The following FNBP1L variants were observed in gnomAD, a reference collection of about 807,000 sequenced individuals.
FNBP1L encodes formin-binding protein 1-like.
A neutral mutation model predicts 91.2 loss-of-function variants in FNBP1L; 36 were observed. The ratio of observed to expected loss-of-function variants is 0.39; its 90% CI spans 0.30 to 0.52. The LOEUF (loss-of-function observed/expected upper bound fraction) is 0.52, where lower values mean the gene tolerates loss of function less well. Among genes scored for constraint, FNBP1L ranks in the 20% least tolerant of loss-of-function variants. FNBP1L has a pLI of 0.66. For missense variants in FNBP1L, 571 were observed against 732.1 expected (o/e 0.78, Z 2.54); for synonymous variants, 242 against 237.0 (o/e 1.02, Z -0.19).
At chr1:93,498,301 CATTG>C (rs1166832691) in intron 1 of FNBP1L, among the ~76,000 whole-genome samples, 1 of 151,926 alleles carries the variant, frequency 6.6e-6, no homozygotes. Context: ...AATTGTTTTT[CATTG>C]ATTGTGTTTT....
chr1:93,529,704 G>A lies in FNBP1L; in HGVS notation c.458G>A (p.Ser153Asn), dbSNP rs753192130. Residue 153 changes from serine to asparagine, a missense_variant, in exon 6 of 17, where the codon AGT (serine) becomes AAT (asparagine). By Grantham distance (46) the Ser-to-Asn change is conservative (BLOSUM62 1). Coordinates refer to ENST00000271234, the MANE Select transcript of FNBP1L (RefSeq NM_001164473.3). ...AGAGAGGCAGAAAAGGCACAACAGA[G>A]TTATGAAAGATTGGATAATGATACT... ...ECREAEKAQQ[S>N]YERLDNDTNA... The A allele has an allele frequency of 5.2e-6, 8 of 1,530,230 alleles. No individual in the cohort carries two copies. The African/African-American group carries it at 9.8e-5, about 19-fold the overall frequency. The allele number at this position is 1,530,230 out of a possible 1,614,324, so 94.8% of individuals were successfully genotyped here.
chr1:93,466,827 T>C (rs974532852), intron 1 of FNBP1L, among the ~76,000 whole-genome samples: 1 of 152,160 alleles, frequency 6.6e-6, no homozygotes, highest in Admixed American at 6.5e-5. Flanking sequence ...ATTCTTCCTA[T>C]CCATGAGCAT....
intron 1 of FNBP1L, among the ~76,000 whole-genome samples, chr1:93,470,006 A>T (rs1452227787): frequency 6.6e-6 from 1 of 152,150 alleles, no homozygotes; most frequent in Non-Finnish European, 1.5e-5. Context: ...GTGGTGTTAA[A>T]GTACCATATT....
intron 2 of FNBP1L, among the ~76,000 whole-genome samples, chr1:93,507,101 A>ACTCTCT (rs1670655515): frequency 1.8e-5 from 1 of 56,708 alleles, no homozygotes; most frequent in African/African-American, 8.6e-5. Context: ...ACACACACAC[A>ACTCTCT]CACACACTCT....
intron 8 of FNBP1L, among the ~76,000 whole-genome samples, chr1:93,534,121 A>T (rs1671769823): frequency 6.6e-6 from 1 of 152,146 alleles, no homozygotes. Flanking sequence ...TAAACTTTCA[A>T]ATGTTGTTTG....
intron 7 of FNBP1L, among the ~76,000 whole-genome samples, chr1:93,532,629 G>A (rs1037856695): frequency 1.3e-5 from 2 of 152,022 alleles, no homozygotes; most frequent in African/African-American, 4.8e-5. Flanking sequence ...GAGTGCTATG[G>A]GGCAGGGAGC....
chr1:93,528,505 G>A (rs937958701), intron 5 of FNBP1L, among the ~76,000 whole-genome samples: 3 of 152,148 alleles, frequency 2.0e-5, no homozygotes, highest in Non-Finnish European at 2.9e-5. Flanking sequence ...TGCATTTTTA[G>A]CCATGGAGAT....
chr1:93,542,237 A>T (rs1672070647), intron 11 of FNBP1L, among the ~76,000 whole-genome samples: 1 of 152,146 alleles, frequency 6.6e-6, no homozygotes, highest in South Asian at 2.1e-4. Context: ...GAGAGCTATG[A>T]TCACTCAACT....
At chr1:93,455,149 C>T (rs1210541359) in intron 1 of FNBP1L, among the ~76,000 whole-genome samples, 1 of 152,112 alleles carries the variant, frequency 6.6e-6, no homozygotes, top group African/African-American at 2.4e-5. Context: ...AGGATGGTCT[C>T]GATCTCCTGA....
At position 93,551,073 on chromosome 1, in the gene FNBP1L, A is replaced by G; in HGVS notation, c.1778A>G (p.Tyr593Cys). 2 of 1,612,092 alleles carry G rather than the reference A, an allele frequency of 1.2e-6. No homozygotes were observed. Among genetic ancestry groups the G allele is most frequent in the Non-Finnish European group, 1.7e-6 (2 of 1,179,020 alleles). The change falls in exon 16 of 17, where the codon TAC (tyrosine) becomes TGC (cysteine). Residue 593 changes from tyrosine to cysteine, a missense_variant. Around this residue, in one of 5 missense-constraint regions of FNBP1L, gnomAD observed 189 missense variants for 219.7 expected, o/e 0.86. Coordinates refer to ENST00000271234, the MANE Select transcript of FNBP1L (RefSeq NM_001164473.3). ...GAAGAAGGCTACGTTCCCACGTCAT[A>G]CATAGATGTAACTCTAGAGAAAAAC... ...NGEEGYVPTS[Y>C]IDVTLEKNSK...
intron 2 of FNBP1L, among the ~76,000 whole-genome samples, chr1:93,514,609 C>T (rs528384762): frequency 2.3e-4 from 35 of 152,250 alleles, no homozygotes; most frequent in African/African-American, 7.0e-4. Context: ...TCAGAAATAA[C>T]GCCGCATGTC....
intron 5 of FNBP1L, among the ~76,000 whole-genome samples, chr1:93,526,225 T>G (rs1444689086): frequency 1.3e-5 from 2 of 152,112 alleles, no homozygotes; most frequent in Non-Finnish European, 2.9e-5. Context: ...GTCCATCAGT[T>G]ACAAGGCTCC....
rs1427660153 is a variant in FNBP1L, at chr1:93,536,415, G to A, written c.1074G>A (p.Glu358=). Residue 358 remains glutamate (E), a synonymous_variant, in exon 10 of 17, where the codon GAG becomes GAA. Coordinates refer to ENST00000271234, the MANE Select transcript of FNBP1L (RefSeq NM_001164473.3). ...CCCAGTTTCTCACATTCTCCATTGA[G>A]CCCGTGCATTATTGTATGAATGAAA... is the stretch of plus-strand genomic sequence containing the variant. ...NGSQFLTFSI[E]PVHYCMNEIK... 6.4e-7 allele frequency: 1 copy of A among 1,550,864 alleles called. No homozygotes were observed. The highest frequency in any genetic ancestry group is 1.2e-5 in the South Asian group (1 of 84,010).
At chr1:93,502,833 A>G (rs2101728053) in intron 2 of FNBP1L, among the ~76,000 whole-genome samples, 1 of 152,340 alleles carries the variant, frequency 6.6e-6, no homozygotes, top group South Asian at 2.1e-4. Context: ...AGGAGTAATG[A>G]AGAGTTGAGA....
At chr1:93,538,849 AT>A (rs1387635319) in intron 10 of FNBP1L, among the ~76,000 whole-genome samples, 5 of 151,894 alleles carry the variant, frequency 3.3e-5, no homozygotes, top group African/African-American at 9.7e-5. Flanking sequence ...AAAAATTATG[AT>A]TTTTTCTTTT....
chr1:93,500,406 C>G (rs189508054), intron 2 of FNBP1L, among the ~76,000 whole-genome samples: 1 of 152,256 alleles, frequency 6.6e-6, no homozygotes, highest in East Asian at 1.9e-4. Context: ...CTTCATACCC[C>G]CATATCCTGG....
chr1:93,521,399 G>GA (rs945299495), intron 2 of FNBP1L, among the ~76,000 whole-genome samples: 33 of 151,670 alleles, frequency 2.2e-4, no homozygotes, highest in South Asian at 4.2e-4. Context: ...CTCAATTTGT[G>GA]AAAAAAAAGC....
intron 7 of FNBP1L, 51 bp downstream of exon 7, chr1:93,530,934 A>G: frequency 1.4e-6 from 2 of 1,413,264 alleles, no homozygotes; most frequent in Non-Finnish European, 1.9e-6. Context: ...TGGTGTTTAA[A>G]TATAAAACTT....
intron 1 of FNBP1L, among the ~76,000 whole-genome samples, chr1:93,467,210 T>G (rs1485112341): frequency 6.6e-6 from 1 of 152,180 alleles, no homozygotes; most frequent in Non-Finnish European, 1.5e-5. Flanking sequence ...GCAGCATTAT[T>G]GACAATAGCT....
Sources: gnomAD v4.1 joint callset for allele counts (sites outside exome capture counted in the v4.1 genomes callset) on GRCh38, gnomAD v4.1.1 for gene constraint, gnomAD v4.1.1 regional missense constraint, MANE v1.5 for transcripts, NCBI Gene and HGNC (gene_info 2026-07-23, HGNC 2026-07-21) for gene names.